The following MID1 variants were observed in gnomAD, a reference collection of about 807,000 sequenced individuals.
MID1 encodes the protein E3 ubiquitin-protein ligase Midline-1.
In MID1, 7 loss-of-function variants were observed where a neutral mutation model predicts 40.4. The ratio of observed to expected loss-of-function variants is 0.17; its 90% CI spans 0.10 to 0.33. MID1 has a LOEUF of 0.33. MID1 is among the 10% of genes least tolerant of loss of function. The pLI, the probability that MID1 is intolerant of heterozygous loss-of-function variation, is 1.00. For missense variants in MID1, 367 were observed against 558.5 expected (o/e 0.66, Z 3.46); for synonymous variants, 229 against 221.2 (o/e 1.04, Z -0.31).
intron 1 of MID1, among the ~76,000 whole-genome samples, chrX:10,814,233 T>C (rs2044120380): frequency 9.0e-6 from 1 of 111,241 alleles, no homozygotes; most frequent in Non-Finnish European, 1.9e-5. Flanking sequence ...TTTTTCCCCA[T>C]ATGTTAGATG....
intron 1 of MID1, among the ~76,000 whole-genome samples, chrX:10,608,230 T>C (rs776820320): frequency 3.0e-4 from 34 of 112,301 alleles, no homozygotes; most frequent in South Asian, 7.4e-4. Context: ...ACTTGCCATA[T>C]GACCCAGCAA....
At chrX:10,623,337 G>GGAA (rs1935961324), upstream of MID1, among the ~76,000 whole-genome samples, 17 of 107,913 alleles carry the variant, frequency 1.6e-4, no homozygotes, top group African/African-American at 5.4e-4. Flanking sequence ...AAGGAAGGAA[G>GGAA]GGAAAAAGAA....
chrX:10,519,966 T>C (rs1045098439), intron 3 of MID1, among the ~76,000 whole-genome samples: 5 of 112,351 alleles, frequency 4.5e-5, no homozygotes, highest in Admixed American at 9.4e-5. Flanking sequence ...ATTTGCATAG[T>C]AGACATGCTT....
intron 1 of MID1, among the ~76,000 whole-genome samples, chrX:10,802,213 A>C (rs1440744811): frequency 8.9e-6 from 1 of 111,920 alleles, no homozygotes; most frequent in Non-Finnish European, 1.9e-5. Context: ...AAACAAAAAC[A>C]AACAAACAAA....
At chrX:10,543,312 G>T (rs1933546937) in intron 2 of MID1, among the ~76,000 whole-genome samples, 1 of 111,960 alleles carries the variant, frequency 8.9e-6, no homozygotes, top group South Asian at 3.8e-4. Context: ...TGGATAAAGT[G>T]GCTTCTTTTT....
intron 1 of MID1, among the ~76,000 whole-genome samples, chrX:10,677,075 T>C (rs757931273): frequency 8.9e-6 from 1 of 112,065 alleles, no homozygotes; most frequent in Non-Finnish European, 1.9e-5. Context: ...TGACAATTTA[T>C]AGCAGCTGCT....
intron 1 of MID1, among the ~76,000 whole-genome samples, chrX:10,682,888 G>A (rs2043069064): frequency 9.0e-6 from 1 of 111,674 alleles, no homozygotes; most frequent in African/African-American, 3.3e-5. Flanking sequence ...TTACCTCTCT[G>A]GTAAGAGAGC....
intron 4 of MID1, among the ~76,000 whole-genome samples, chrX:10,486,467 GCCCT>G (rs1460616100): frequency 1.8e-5 from 2 of 111,634 alleles, no homozygotes; most frequent in East Asian, 2.8e-4. Context: ...GTCCACACTT[GCCCT>G]CCCTGTCTGG....
In MID1 at chrX:10,612,312, T is replaced by C. The variant is rs140169042; in HGVS notation, c.-57+7978A>G. 3.9e-3 allele frequency among the ~76,000 whole-genome samples: 435 copies of C among 111,955 alleles called. 2 individuals carry two copies. The highest frequency in any genetic ancestry group is 0.014 in the African/African-American group (418 of 30,868). On this transcript the variant is annotated intron_variant, in intron 1 of 9. Coordinates refer to ENST00000317552, the MANE Select transcript of MID1 (RefSeq NM_000381.4). ...TCTCATTAGGATTTCACTTTAAACA[T>C]TGACCACTGAAAAGGAACTCAAGTG...
chrX:10,708,875 T>C (rs924432157), intron 1 of MID1, among the ~76,000 whole-genome samples: 1 of 112,247 alleles, frequency 8.9e-6, no homozygotes, highest in African/African-American at 3.2e-5. Context: ...ATCCAGACAT[T>C]CACTATAAAA....
chrX:10,503,219 A>G (rs7055659), intron 3 of MID1, among the ~76,000 whole-genome samples: 7,746 of 111,758 alleles, frequency 0.069, 547 homozygotes, highest in African/African-American at 0.21. Context: ...AAAGTTAGAC[A>G]GAGCTGCCAG....
At chrX:10,799,248 G>GT (rs1408836886) in intron 1 of MID1, among the ~76,000 whole-genome samples, 1 of 110,863 alleles carries the variant, frequency 9.0e-6, no homozygotes, top group Non-Finnish European at 1.9e-5. Context: ...TCCTTTTTCC[G>GT]TTTTTTTCAC....
chrX:10,571,576 G>A (rs1032010530), intron 1 of MID1, among the ~76,000 whole-genome samples: 1 of 106,214 alleles, frequency 9.4e-6, no homozygotes, highest in Non-Finnish European at 1.9e-5. Context: ...ACTGGTAACA[G>A]CTGGCCCCTG....
rs757315836 is a variant in MID1 at position 10,449,435 on chromosome X, T to A, written c.1937A>T (p.Lys646Met). ...PVCPTFTVWNKCLTIITGLPI... is the reference protein window; with the variant it reads ...PVCPTFTVWNMCLTIITGLPI... Reference sequence around the variant, plus strand: ...GAGCCCAGTGATAATCGTCAGACACTTGTTCCACACGGTGAAGGTGGGGCA... The same window carrying A: ...GAGCCCAGTGATAATCGTCAGACACATGTTCCACACGGTGAAGGTGGGGCA... Residue 646 changes from lysine (K) to methionine (M), a missense_variant, in exon 10 of 10, where the codon AAG becomes ATG. This residue lies in a region of MID1 where 275 missense variants were observed against 383.1 expected (regional missense o/e 0.72). Coordinates refer to ENST00000317552, the MANE Select transcript of MID1 (RefSeq NM_000381.4). 1 of 1,210,145 alleles carries A rather than the reference T, an allele frequency of 8.3e-7. No individual in the cohort carries two copies. Among genetic ancestry groups the A allele is most frequent in the African/African-American group, 1.7e-5 (1 of 57,152 alleles).
chrX:10,681,209 G>A (rs1488526363), intron 1 of MID1, among the ~76,000 whole-genome samples: 1 of 110,977 alleles, frequency 9.0e-6, no homozygotes, highest in Non-Finnish European at 1.9e-5. Context: ...CAAAAATTGT[G>A]GTATGGTCAT....
intron 3 of MID1, chrX:10,501,406 C>T (rs1275500852): frequency 8.7e-7 from 1 of 1,152,940 alleles, no homozygotes; most frequent in African/African-American, 1.8e-5. Flanking sequence ...TCAGCACATA[C>T]CTTCTCTACA....
chrX:10,587,715 G>A (rs908355636), intron 1 of MID1, among the ~76,000 whole-genome samples: 1 of 111,914 alleles, frequency 8.9e-6, no homozygotes, highest in Non-Finnish European at 1.9e-5. Context: ...GCCAAAGTTT[G>A]TTTTAAGTTT....
intron 7 of MID1, among the ~76,000 whole-genome samples, chrX:10,468,228 TGAG>T (rs1228270151): frequency 2.7e-5 from 3 of 111,489 alleles, no homozygotes; most frequent in South Asian, 3.8e-4. Context: ...GTGAGGGAGT[TGAG>T]GAGAGGAAGT....
At chrX:10,715,904 C>A (rs1266853089) in intron 1 of MID1, among the ~76,000 whole-genome samples, 3 of 111,763 alleles carry the variant, frequency 2.7e-5, no homozygotes, top group African/African-American at 9.8e-5. Flanking sequence ...CACTGTTCTG[C>A]AGCCTCTGCT....
Sources: gnomAD v4.1 joint callset for allele counts (sites outside exome capture counted in the v4.1 genomes callset) on GRCh38, gnomAD v4.1.1 for gene constraint, gnomAD v4.1.1 regional missense constraint, MANE v1.5 for transcripts, NCBI Gene and HGNC (gene_info 2026-07-23, HGNC 2026-07-21) for gene names.